Variants in ADAMTSL1 observed in about 807,000 individuals in gnomAD.
The protein encoded by ADAMTSL1 is ADAMTS like 1.
In ADAMTSL1, 126 loss-of-function variants were observed where a neutral mutation model predicts 201.8. The ratio of observed to expected loss-of-function variants is 0.62; its 90% confidence interval spans 0.54 to 0.72. The LOEUF (loss-of-function observed/expected upper bound fraction) is 0.72. Among genes scored for constraint, ADAMTSL1 ranks in the 30% least tolerant of loss-of-function variants. The pLI, the probability that ADAMTSL1 is intolerant of heterozygous loss-of-function variation, is 0.00. For synonymous variants in ADAMTSL1, 1,121 were observed against 903.4 expected (o/e 1.24, Z -4.32); for missense variants, 2,679 against 2,277.8 (o/e 1.18, Z -3.59).
At chr9:18,172,085 A>T (rs1416179390) in intron 2 of ADAMTSL1, among the ~76,000 whole-genome samples, 1 of 144,802 alleles carries the variant, frequency 6.9e-6, no homozygotes, top group South Asian at 2.4e-4. Flanking sequence ...CAACGAGAAC[A>T]CATGGACACA....
chr9:18,642,432 T>G (rs554108744), intron 7 of ADAMTSL1, among the ~76,000 whole-genome samples: 2 of 152,218 alleles, frequency 1.3e-5, no homozygotes, highest in South Asian at 4.1e-4. Context: ...CAATTTTTTG[T>G]GTTGAGAACA....
At chr9:18,186,815 C>A (rs1828755010) in intron 2 of ADAMTSL1, among the ~76,000 whole-genome samples, 2 of 149,676 alleles carry the variant, frequency 1.3e-5, no homozygotes. Context: ...GCCAGCAGTG[C>A]CTTCTTATCA....
Position 18,170,092 on chromosome 9 carries a change from G to T in ADAMTSL1, c.207+6111G>T, listed in dbSNP as rs756201064. Among the ~76,000 whole-genome samples, 32 of 151,928 alleles carry T rather than the reference G, an allele frequency of 2.1e-4. 1 individual carries two copies. The highest frequency in any genetic ancestry group is 3.8e-4 in the Non-Finnish European group (26 of 67,944). ...TTTGTAAAATCTGTTACCCTGTGGG[G>T]TTTTTAAGTGTTATTATTTGCCTGT... On this transcript the variant is annotated intron_variant, in intron 2 of 29. Transcript: ENST00000680146.
At chr9:18,895,058 G>C (rs1829536119) in intron 26 of ADAMTSL1, among the ~76,000 whole-genome samples, 1 of 152,174 alleles carries the variant, frequency 6.6e-6, no homozygotes, top group Non-Finnish European at 1.5e-5. Context: ...ATTCAAACTT[G>C]ACTGACAGGC....
chr9:18,896,974 T>C (rs1829678205), intron 26 of ADAMTSL1, among the ~76,000 whole-genome samples: 2 of 152,148 alleles, frequency 1.3e-5, no homozygotes, highest in Non-Finnish European at 1.5e-5. Flanking sequence ...GGCTGGAGAC[T>C]GCCTGAGACA....
intron 2 of ADAMTSL1, among the ~76,000 whole-genome samples, chr9:18,316,047 C>T (rs771178706): frequency 4.6e-5 from 7 of 152,110 alleles, no homozygotes; most frequent in African/African-American, 7.2e-5. Context: ...CATCACATGT[C>T]GGTAGGTTCC....
At chr9:18,079,400 TG>T (rs1248932597) in intron 1 of ADAMTSL1, among the ~76,000 whole-genome samples, 2 of 152,066 alleles carry the variant, frequency 1.3e-5, no homozygotes, top group African/African-American at 4.8e-5. Context: ...ACCATTGGGC[TG>T]GGCACAGTGG....
intron 1 of ADAMTSL1, among the ~76,000 whole-genome samples, chr9:18,115,254 A>G (rs941618804): frequency 2.0e-5 from 3 of 152,106 alleles, no homozygotes; most frequent in Admixed American, 2.0e-4. Context: ...CACTGACGTC[A>G]AGGTGATGAA....
chr9:18,776,691 C>T, intron 18 of ADAMTSL1, 90 bp from the exon 19 acceptor site: 3 of 1,369,890 alleles, frequency 2.2e-6, no homozygotes, highest in Non-Finnish European at 9.7e-7. Context: ...CTGGCTCTTT[C>T]CTTTGCCCCT....
chr9:18,155,664 C>T (rs1827120631), intron 1 of ADAMTSL1, among the ~76,000 whole-genome samples: 1 of 151,942 alleles, frequency 6.6e-6, no homozygotes, highest in African/African-American at 2.4e-5. Flanking sequence ...GATTGGACTC[C>T]CCTTCTGTAG....
At chr9:18,854,996 A>C (rs942167112) in intron 23 of ADAMTSL1, among the ~76,000 whole-genome samples, 4 of 152,182 alleles carry the variant, frequency 2.6e-5, no homozygotes, top group African/African-American at 9.6e-5. Flanking sequence ...TAGTCATGCC[A>C]CTGATGCCTC....
At chr9:18,629,417 C>T (rs989505439) in intron 5 of ADAMTSL1, among the ~76,000 whole-genome samples, 27 of 152,020 alleles carry the variant, frequency 1.8e-4, no homozygotes, top group African/African-American at 6.5e-4. Context: ...GAGGAAGTTC[C>T]CTTCCTTTCC....
At chr9:18,399,389 G>C (rs903278376) in intron 2 of ADAMTSL1, among the ~76,000 whole-genome samples, 5 of 146,026 alleles carry the variant, frequency 3.4e-5, no homozygotes, top group Admixed American at 7.0e-5. Context: ...ACCCAGACTG[G>C]AGTGCAGTAG....
chr9:18,137,673 A>C (rs1826218136), intron 1 of ADAMTSL1, among the ~76,000 whole-genome samples: 1 of 152,232 alleles, frequency 6.6e-6, no homozygotes, highest in Admixed American at 6.5e-5. Context: ...ACCCTGTGGA[A>C]GAAAAAATAA....
In ADAMTSL1 at chr9:18,430,787, T is replaced by C. The variant is rs1819453428; in HGVS notation, c.208-74042T>C. 1.3e-5 allele frequency among the ~76,000 whole-genome samples: 2 copies of C among 152,190 alleles called. 1 individual carries two copies. Among genetic ancestry groups the C allele is most frequent in the South Asian group, 4.1e-4 (2 of 4,830 alleles). ...CTCAAAGGGATAAATAAATGTTTGC[T>C]GAAGGAGATTGAATGAGAGGGGCAG... On this transcript the variant is annotated intron_variant, in intron 2 of 29. Transcript: ENST00000680146.
chr9:18,533,382 C>T lies in ADAMTSL1; in HGVS notation c.237+90C>T, dbSNP rs1719820284. ...TTTATATCCTGAGCAGGAAATCAAC[C>T]AACTAGTATTTCACTGAGAGTTTTT... is the stretch of plus-strand genomic sequence containing the variant. On this transcript the variant is annotated intron_variant, in intron 3 of 28. Transcript: ENST00000380548. The T allele has an allele frequency of 2.8e-6, 3 of 1,060,614 alleles. No homozygotes were observed. In the South Asian group the frequency reaches 5.0e-5, roughly 18 times the overall value. 65.7% of individuals were successfully genotyped at this position (1,060,614 alleles called of 1,614,324 possible).
chr9:18,380,876 G>A (rs1295942473), intron 2 of ADAMTSL1, among the ~76,000 whole-genome samples: 2 of 152,278 alleles, frequency 1.3e-5, no homozygotes, highest in Admixed American at 1.3e-4. Flanking sequence ...GTTACAAAAC[G>A]CAGGGAGAGG....
intron 1 of ADAMTSL1, among the ~76,000 whole-genome samples, chr9:18,070,101 A>T (rs1586981083): frequency 1.3e-5 from 2 of 152,246 alleles, no homozygotes; most frequent in African/African-American, 4.8e-5. Context: ...TCTATATGAG[A>T]TAATCCAGTG....
intron 1 of ADAMTSL1, among the ~76,000 whole-genome samples, chr9:17,908,737 C>T (rs1290663083): frequency 1.3e-5 from 2 of 152,208 alleles, no homozygotes; most frequent in Non-Finnish European, 2.9e-5. Flanking sequence ...GGATTACAGG[C>T]GTGAGCCACT....
Sources: allele counts gnomAD v4.1 joint callset (sites outside exome capture counted in the v4.1 genomes callset), GRCh38; gene constraint gnomAD v4.1.1; transcripts MANE v1.5; gene names NCBI Gene and HGNC (gene_info 2026-07-23, HGNC 2026-07-21).